Variants in NFXL1 observed in about 807,000 individuals in gnomAD.
The protein encoded by NFXL1 is NF-X1-type zinc finger protein NFXL1.
In NFXL1, 66 loss-of-function variants were observed where a neutral mutation model predicts 123.3. The ratio of observed to expected loss-of-function variants is 0.54; its 90% CI spans 0.44 to 0.66. The LOEUF is 0.66. NFXL1 is among the 30% of genes least tolerant of loss of function. The pLI is 0.00. For missense variants in NFXL1, 944 were observed against 1,125.6 expected (o/e 0.84, Z 2.31); for synonymous variants, 346 against 360.8 (o/e 0.96, Z 0.46).
chr4:47,855,827 G>A lies in NFXL1; in HGVS notation c.2317-664C>T, dbSNP rs547815503. ...GTAATTGCCATGATGTTTATGCTCCGTGTCTTTAATTGTTTACTGTCTTCC... is the reference window on the plus strand; with the variant it reads ...GTAATTGCCATGATGTTTATGCTCCATGTCTTTAATTGTTTACTGTCTTCC... On this transcript the variant is annotated intron_variant, in intron 19 of 22. Coordinates refer to ENST00000507489, the MANE Select transcript of NFXL1 (RefSeq NM_001278624.2). Among the ~76,000 whole-genome samples the A allele has an allele frequency of 1.3e-3, 194 of 151,960 alleles. 1 individual carries two copies. The highest frequency in any genetic ancestry group is 2.3e-3 in the Non-Finnish European group (158 of 67,982).
chr4:47,905,215 A>G, intron 4 of NFXL1, 22 bp downstream of exon 4: 1 of 1,018,370 alleles, frequency 9.8e-7, no homozygotes, highest in South Asian at 1.4e-5. Context: ...ATACATTAAT[A>G]TAAATAAGGA....
At chr4:47,869,580 A>G (rs1027592781) in intron 18 of NFXL1, among the ~76,000 whole-genome samples, 1 of 152,214 alleles carries the variant, frequency 6.6e-6, no homozygotes, top group Non-Finnish European at 1.5e-5. Context: ...TAGTATATAC[A>G]TGAATATATG....
rs1736311732 is a variant in NFXL1 at position 47,884,532 on chromosome 4, C to G, written c.1825-95G>C. The G allele has an allele frequency of 5.8e-6, 4 of 686,286 alleles. No homozygotes were observed. In the Admixed American group the frequency reaches 1.1e-4, roughly 19 times the overall value. The allele number at this position is 686,286 out of a possible 1,614,324, so 42.5% of individuals were successfully genotyped here. ...AAAATAGTTCCATGTATCCTCTGCT[C>G]AAGCAGGTTGAAATTTTTTCAAATA... On this transcript the variant is annotated intron_variant, in intron 14 of 22. Transcript: ENST00000507489.
At chr4:47,904,813 C>A (rs1242432343) in intron 4 of NFXL1, among the ~76,000 whole-genome samples, 1 of 152,196 alleles carries the variant, frequency 6.6e-6, no homozygotes, top group Non-Finnish European at 1.5e-5. Context: ...CACCACTTCC[C>A]AAAATGCCTT....
In NFXL1 at chr4:47,902,669, G is replaced by GA. The variant is rs1382699628; in HGVS notation, c.647+523dup. 3.9e-5 allele frequency among the ~76,000 whole-genome samples: 6 copies of GA among 152,070 alleles called. No homozygotes were observed. The South Asian group carries it at 1.2e-3, about 32-fold the overall frequency. Reference sequence around the variant, plus strand: ...ATAATTAAGGAATTGTTTTGCACAGGAAAAATTAAGTCTGGATGATTTATT... The same window carrying GA: ...ATAATTAAGGAATTGTTTTGCACAGGAAAAAATTAAGTCTGGATGATTTATT... On this transcript the variant is annotated intron_variant, in intron 5 of 22. Coordinates refer to ENST00000507489, the MANE Select transcript of NFXL1 (RefSeq NM_001278624.2).
intron 5 of NFXL1, among the ~76,000 whole-genome samples, chr4:47,900,792 G>A (rs796241064): frequency 5.5e-4 from 83 of 152,118 alleles, no homozygotes; most frequent in African/African-American, 1.9e-3. Flanking sequence ...TCATTGTCAC[G>A]AGAACATGTT....
chr4:47,884,253 A>G lies in NFXL1; in HGVS notation c.1916+93T>C. 5.8e-6 allele frequency: 4 copies of G among 690,878 alleles called. No individual in the cohort carries two copies. The South Asian group carries it at 7.6e-5, about 13-fold the overall frequency. The allele number at this position is 690,878 out of a possible 1,614,324, so 42.8% of individuals were successfully genotyped here. A position where few individuals can be genotyped will look rare whatever the true frequency, so the allele number is the denominator to read the frequency against. On this transcript the variant is annotated intron_variant, in intron 15 of 22. Coordinates refer to ENST00000507489, the MANE Select transcript of NFXL1 (RefSeq NM_001278624.2). The stretch of plus-strand genomic sequence containing the variant: ...CTAGGCCTGAAATAATAATGAACTG[A>G]ACTAAGAAAAAAGGGAGATTGACTT...
intron 11 of NFXL1, 47 bp downstream of exon 11, chr4:47,894,133 T>G: frequency 6.7e-7 from 1 of 1,496,172 alleles, no homozygotes; most frequent in Non-Finnish European, 9.0e-7. Flanking sequence ...AATGGAGAAA[T>G]TCAATATAGT....
chr4:47,890,634 A>C lies in NFXL1; in HGVS notation c.1522T>G (p.Cys508Gly). 6.2e-7 allele frequency: 1 copy of C among 1,601,974 alleles called. No individual in the cohort carries two copies. The highest frequency in any genetic ancestry group is 8.6e-7 in the Non-Finnish European group (1 of 1,169,286). Reference sequence around the variant, plus strand: ...TTACCTCTGTGACAGACAGATGGACACTTATGGTTTCTACATCCTAAAGTC... The same window carrying C: ...TTACCTCTGTGACAGACAGATGGACCCTTATGGTTTCTACATCCTAAAGTC... ...GRTLGCRNHKCPSVCHRGSCY... is the reference protein window; with the variant it reads ...GRTLGCRNHKGPSVCHRGSCY... The change falls in exon 12 of 23, where the codon TGT (cysteine) becomes GGT (glycine). Residue 508 changes from cysteine to glycine, a missense_variant. Physicochemically the swap from Cys to Gly is radical, Grantham distance 159. This residue lies in a region of NFXL1 where 296 missense variants were observed against 395.1 expected (regional missense o/e 0.75). Coordinates refer to ENST00000507489, the MANE Select transcript of NFXL1 (RefSeq NM_001278624.2).
intron 22 of NFXL1, among the ~76,000 whole-genome samples, chr4:47,850,256 T>G (rs1003844398): frequency 2.6e-5 from 4 of 152,112 alleles, no homozygotes; most frequent in African/African-American, 9.7e-5. Context: ...TACAGAACCA[T>G]AAAATCTCAA....
At position 47,897,860 on chromosome 4, in the gene NFXL1, T is replaced by C. The variant is rs1737176066; in HGVS notation, c.1204+107A>G. 25 of 634,624 alleles carry C rather than the reference T, an allele frequency of 3.9e-5. No homozygotes were observed. The South Asian group carries it at 6.2e-4, about 16-fold the overall frequency. 39.3% of individuals were successfully genotyped at this position (634,624 alleles called of 1,614,324 possible). A position where few individuals can be genotyped will look rare whatever the true frequency, so the allele number is the denominator to read the frequency against. On this transcript the variant is annotated intron_variant, in intron 9 of 22. Coordinates refer to ENST00000507489, the MANE Select transcript of NFXL1 (RefSeq NM_001278624.2). ...TTGTAGCTTTTTCAGACTGGCTTCT[T>C]TCATTTAGTAATATGCACTTAAGTT...
chr4:47,877,053 T>G, intron 17 of NFXL1: 1 of 1,240,420 alleles, frequency 8.1e-7, no homozygotes, highest in Non-Finnish European at 1.1e-6. Context: ...GTGGTACACC[T>G]ACAAAAATCT....
intron 18 of NFXL1, among the ~76,000 whole-genome samples, chr4:47,863,957 C>T (rs1734910889): frequency 6.6e-6 from 1 of 152,116 alleles, no homozygotes; most frequent in African/African-American, 2.4e-5. Flanking sequence ...TTTCACCAGA[C>T]ATAACTGCCA....
chr4:47,885,118 C>G (rs1736346728), intron 14 of NFXL1, among the ~76,000 whole-genome samples: 1 of 148,722 alleles, frequency 6.7e-6, no homozygotes, highest in Non-Finnish European at 1.5e-5. Flanking sequence ...GAGTGAGACT[C>G]CGTCTCAAAA....
chr4:47,880,573 G>A (rs1028048883), intron 15 of NFXL1, among the ~76,000 whole-genome samples: 2 of 145,544 alleles, frequency 1.4e-5, no homozygotes, highest in African/African-American at 5.1e-5. Context: ...AAAAAAAAAA[G>A]AATTTGTGGA....
At chr4:47,913,943 A>G (rs1387763812) in intron 2 of NFXL1, 26 bp downstream of exon 2, 9 of 1,511,530 alleles carry the variant, frequency 6.0e-6, no homozygotes, top group African/African-American at 1.4e-5. Flanking sequence ...CATCCAGGTG[A>G]GCACGCGGGC....
intron 5 of NFXL1, 38 bp from the exon 6 acceptor site, chr4:47,899,586 C>T: frequency 7.4e-7 from 1 of 1,358,084 alleles, no homozygotes; most frequent in Non-Finnish European, 1.0e-6. Context: ...CTAACTTCAC[C>T]TTTAAAAGCA....
intron 10 of NFXL1, 28 bp from the exon 11 acceptor site, chr4:47,894,330 A>AATTG: frequency 6.5e-7 from 1 of 1,527,048 alleles, no homozygotes; most frequent in Non-Finnish European, 8.8e-7. Context: ...ATGCTATTAA[A>AATTG]ATTGATTTTT....
chr4:47,880,995 A>G (rs1306639201), intron 15 of NFXL1, among the ~76,000 whole-genome samples: 1 of 152,020 alleles, frequency 6.6e-6, no homozygotes, highest in Non-Finnish European at 1.5e-5. Flanking sequence ...AAAAAACAAA[A>G]TTACAGCTAG....
Sources: gnomAD v4.1 joint callset for allele counts (sites outside exome capture counted in the v4.1 genomes callset) on GRCh38, gnomAD v4.1.1 for gene constraint, gnomAD v4.1.1 regional missense constraint, MANE v1.5 for transcripts, NCBI Gene and HGNC (gene_info 2026-07-23, HGNC 2026-07-21) for gene names.